The following TCF4 variants were observed in gnomAD, a reference collection of about 807,000 sequenced individuals.
TCF4 encodes SL3-3 enhancer factor 2.
TCF4 carries 3 observed loss-of-function variants against 82.1 expected under a neutral mutation model. That is an observed-to-expected ratio of 0.04 (90% CI 0.02 to 0.09). The LOEUF (loss-of-function observed/expected upper bound fraction) is 0.09, where lower values mean the gene tolerates loss of function less well. Among genes scored for constraint, TCF4 ranks in the 10% least tolerant of loss-of-function variants. The pLI is 1.00. For synonymous variants in TCF4, 276 were observed against 309.6 expected (o/e 0.89, Z 1.14); for missense variants, 518 against 852.7 (o/e 0.61, Z 4.89).
chr18:55,466,395 G>T (rs1257748644), intron 3 of TCF4, among the ~76,000 whole-genome samples: 1 of 152,016 alleles, frequency 6.6e-6, no homozygotes, highest in African/African-American at 2.4e-5. Flanking sequence ...AATTGGAGGG[G>T]CCGAGGCAGG....
chr18:55,519,444 A>G (rs1039220770), intron 3 of TCF4, among the ~76,000 whole-genome samples: 1 of 151,828 alleles, frequency 6.6e-6, no homozygotes, highest in Non-Finnish European at 1.5e-5. Context: ...AAAAAAAGAA[A>G]AAAAAAAAAA....
chr18:55,509,042 C>T (rs934342902), intron 3 of TCF4, among the ~76,000 whole-genome samples: 3 of 152,066 alleles, frequency 2.0e-5, no homozygotes, highest in African/African-American at 7.2e-5. Flanking sequence ...AAAAATACTC[C>T]ATTTCTGAGT....
At chr18:55,379,816 C>T (rs918742447) in intron 6 of TCF4, among the ~76,000 whole-genome samples, 2 of 152,066 alleles carry the variant, frequency 1.3e-5, no homozygotes, top group Non-Finnish European at 2.9e-5. Context: ...CTAACAGTTC[C>T]GGAGGCTAGA....
At chr18:55,461,339 T>C (rs2095864675) in intron 4 of TCF4, among the ~76,000 whole-genome samples, 1 of 152,146 alleles carries the variant, frequency 6.6e-6, no homozygotes, top group South Asian at 2.1e-4. Flanking sequence ...CTGAGAAATC[T>C]TAGGAATAAT....
chr18:55,279,667 A>C lies in TCF4; in HGVS notation c.550-11T>G, dbSNP rs1323218332. 6.2e-7 allele frequency: 1 copy of C among 1,613,848 alleles called. No homozygotes were observed. ...TGATGGAGCATAGACCTGAGGAGAA[A>C]GAACCAACTGAGTTTTGCTTTTTGC... On this transcript the variant is annotated splice_polypyrimidine_tract_variant and intron_variant, in intron 8 of 19. Transcript: ENST00000354452.
At chr18:55,418,175 T>G (rs545136470) in intron 5 of TCF4, among the ~76,000 whole-genome samples, 1 of 152,174 alleles carries the variant, frequency 6.6e-6, no homozygotes, top group East Asian at 1.9e-4. Context: ...AGAGAAGATG[T>G]TAAGATTCAT....
chr18:55,270,670 A>G (rs1694293178), intron 10 of TCF4, among the ~76,000 whole-genome samples: 1 of 152,164 alleles, frequency 6.6e-6, no homozygotes, highest in South Asian at 2.1e-4. Context: ...TCTTTACAGA[A>G]TCACTTGGTT....
At chr18:55,560,509 G>C (rs767010972) in intron 3 of TCF4, among the ~76,000 whole-genome samples, 1 of 152,154 alleles carries the variant, frequency 6.6e-6, no homozygotes, top group Non-Finnish European at 1.5e-5. Flanking sequence ...CCGAAGCCAC[G>C]TGACTTCTCC....
chr18:55,584,656 A>C (rs1005101155), intron 3 of TCF4, among the ~76,000 whole-genome samples: 1 of 152,122 alleles, frequency 6.6e-6, no homozygotes, highest in Non-Finnish European at 1.5e-5. Flanking sequence ...AAAACGTAAA[A>C]GTCCTTCCAG....
At chr18:55,294,272 A>T (rs2065921562) in intron 8 of TCF4, among the ~76,000 whole-genome samples, 1 of 151,976 alleles carries the variant, frequency 6.6e-6, no homozygotes, top group Admixed American at 6.6e-5. Flanking sequence ...AAAAAAAGAA[A>T]AAAAAGAAAA....
chr18:55,326,696 T>C (rs1393483851), intron 8 of TCF4, among the ~76,000 whole-genome samples: 1 of 152,144 alleles, frequency 6.6e-6, no homozygotes, highest in Non-Finnish European at 1.5e-5. Flanking sequence ...GAGGTTACCC[T>C]TGTCCATTGA....
In TCF4 at chr18:55,475,206, T is replaced by G. The variant is rs956449050; in HGVS notation, c.146-11069A>C. Among the ~76,000 whole-genome samples, 29 of 152,370 alleles carry G rather than the reference T, an allele frequency of 1.9e-4. No individual in the cohort carries two copies. In the South Asian group the frequency reaches 2.1e-3, roughly 11 times the overall value. On this transcript the variant is annotated intron_variant, in intron 3 of 19. Transcript: ENST00000354452. ...GAATTGTCTATCTCTTTTATCCATT[T>G]GAATCAGACATAATTCCTCAGCCTT... is the stretch of plus-strand genomic sequence containing the variant.
intron 3 of TCF4, among the ~76,000 whole-genome samples, chr18:55,521,384 C>T (rs2096932084): frequency 6.6e-6 from 1 of 152,188 alleles, no homozygotes; most frequent in Admixed American, 6.5e-5. Flanking sequence ...ATTTCATGCA[C>T]TGCAATGACC....
chr18:55,496,999 C>T (rs2096644725), intron 3 of TCF4, among the ~76,000 whole-genome samples: 1 of 151,832 alleles, frequency 6.6e-6, no homozygotes, highest in Non-Finnish European at 1.5e-5. Context: ...TCCTGATACT[C>T]GTAAGGCAAA....
chr18:55,553,195 A>G (rs1380607693), intron 3 of TCF4: 2 of 152,238 alleles, frequency 1.3e-5, no homozygotes, highest in Admixed American at 1.3e-4. Context: ...GGAAAAATAT[A>G]TCATATATAC....
At chr18:55,329,818 G>A (rs2077200425) in intron 8 of TCF4, among the ~76,000 whole-genome samples, 1 of 152,164 alleles carries the variant, frequency 6.6e-6, no homozygotes, top group South Asian at 2.1e-4. Context: ...AGGGGTATTT[G>A]TTTTCAACAA....
In TCF4 at chr18:55,471,275, T is replaced by C. The variant is rs143831388; in HGVS notation, c.146-7138A>G. 5.9e-5 allele frequency among the ~76,000 whole-genome samples: 9 copies of C among 152,270 alleles called. No homozygotes were observed. In the East Asian group the frequency reaches 1.4e-3, roughly 23 times the overall value. ...AAGCATGATTGTTTCTGTTTTCTAT[T>C]AGACATAAGAAATGGTGCTTCAGAA... is the stretch of plus-strand genomic sequence containing the variant. On this transcript the variant is annotated intron_variant, in intron 3 of 19. Coordinates refer to ENST00000354452, the MANE Select transcript of TCF4 (RefSeq NM_001083962.2).
chr18:55,428,470 C>T (rs1215647250), intron 5 of TCF4, among the ~76,000 whole-genome samples: 1 of 152,198 alleles, frequency 6.6e-6, no homozygotes, highest in Non-Finnish European at 1.5e-5. Context: ...CAACTGTCTA[C>T]TTCATGTCTT....
intron 8 of TCF4, among the ~76,000 whole-genome samples, chr18:55,325,403 G>C (rs1031041005): frequency 6.6e-6 from 1 of 152,100 alleles, no homozygotes; most frequent in Admixed American, 6.5e-5. Context: ...CTATCCACTC[G>C]ACCACAGAGC....
Sources: allele counts gnomAD v4.1 joint callset (sites outside exome capture counted in the v4.1 genomes callset), GRCh38; gene constraint gnomAD v4.1.1; transcripts MANE v1.5; gene names NCBI Gene and HGNC (gene_info 2026-07-23, HGNC 2026-07-21).